Variants in GALNT17 observed in about 807,000 individuals in gnomAD.
GALNT17 encodes polypeptide N-acetylgalactosaminyltransferase 17, also known as UDP-GalNAc:polypeptide N-acetylgalactosaminyltransferase-like 3.
Under a neutral mutation model 63.7 loss-of-function variants are expected in GALNT17, and 29 were observed. The observed-to-expected ratio is 0.46, with a 90% CI of 0.34 to 0.62. The LOEUF (loss-of-function observed/expected upper bound fraction) is 0.62, where lower values mean the gene tolerates loss of function less well. Ranked by LOEUF, GALNT17 falls within the 20% of genes least tolerant of loss-of-function variation. The pLI, the probability that GALNT17 is intolerant of heterozygous loss-of-function variation, is 0.01. For synonymous variants in GALNT17, 305 were observed against 318.3 expected (o/e 0.96, Z 0.45); for missense variants, 603 against 799.6 (o/e 0.75, Z 2.97).
intron 5 of GALNT17, among the ~76,000 whole-genome samples, chr7:71,495,375 G>A (rs1400706051): frequency 6.6e-6 from 1 of 152,132 alleles, no homozygotes; most frequent in Non-Finnish European, 1.5e-5. Context: ...TGTGATAATA[G>A]CAATGACAAC....
intron 3 of GALNT17, among the ~76,000 whole-genome samples, chr7:71,397,941 T>TCGTTGTTGTTGTTG (rs1563063497): frequency 2.0e-5 from 3 of 150,690 alleles, no homozygotes; most frequent in Non-Finnish European, 4.4e-5. Context: ...CATTATTGTC[T>TCGTTGTTGTTGTTG]TTGTTGTTGT....
chr7:71,438,204 T>C (rs1787002058), intron 5 of GALNT17, among the ~76,000 whole-genome samples: 1 of 152,194 alleles, frequency 6.6e-6, no homozygotes, highest in Admixed American at 6.5e-5. Flanking sequence ...GGTCCCACAA[T>C]AGGCTGTCTG....
chr7:71,309,754 A>C (rs1385395032), intron 1 of GALNT17, among the ~76,000 whole-genome samples: 1 of 152,196 alleles, frequency 6.6e-6, no homozygotes, highest in Non-Finnish European at 1.5e-5. Context: ...ATGTAAATAC[A>C]AACTGCATAT....
At chr7:71,402,735 G>A (rs1412424748) in intron 3 of GALNT17, among the ~76,000 whole-genome samples, 1 of 139,840 alleles carries the variant, frequency 7.2e-6, no homozygotes, top group Non-Finnish European at 1.5e-5. Flanking sequence ...CTTCCAAAAG[G>A]GATTTTGGAG....
chr7:71,237,062 A>G (rs981046741), intron 1 of GALNT17, among the ~76,000 whole-genome samples: 1 of 152,142 alleles, frequency 6.6e-6, no homozygotes, highest in Non-Finnish European at 1.5e-5. Flanking sequence ...ACGCTGCCAC[A>G]TTCTTTTTTG....
intron 6 of GALNT17, among the ~76,000 whole-genome samples, chr7:71,578,031 T>C (rs912089911): frequency 1.7e-5 from 2 of 119,396 alleles, no homozygotes; most frequent in African/African-American, 9.2e-5. Context: ...ATTTATTTAT[T>C]TATTTATTTA....
chr7:71,481,717 C>T (rs185557489), intron 5 of GALNT17, among the ~76,000 whole-genome samples: 1 of 152,148 alleles, frequency 6.6e-6, no homozygotes, highest in Non-Finnish European at 1.5e-5. Context: ...GGTTCTCCCA[C>T]AGCTGGACTT....
At chr7:71,376,579 C>G (rs528972217) in intron 2 of GALNT17, among the ~76,000 whole-genome samples, 117 of 145,300 alleles carry the variant, frequency 8.1e-4, no homozygotes, top group African/African-American at 2.9e-3. Flanking sequence ...GTGTGTGTGT[C>G]TGTCTGTGTG....
At chr7:71,459,627 A>G (rs1412727106) in intron 5 of GALNT17, among the ~76,000 whole-genome samples, 1 of 152,188 alleles carries the variant, frequency 6.6e-6, no homozygotes, top group Non-Finnish European at 1.5e-5. Flanking sequence ...AGAAAGTCAA[A>G]ATATTTTATC....
intron 5 of GALNT17, among the ~76,000 whole-genome samples, chr7:71,523,814 C>T (rs1788571085): frequency 6.6e-6 from 1 of 151,480 alleles, no homozygotes; most frequent in African/African-American, 2.4e-5. Flanking sequence ...TACACATCCT[C>T]AGCCCCCAGA....
At chr7:71,185,293 C>G (rs1004391080) in intron 1 of GALNT17, among the ~76,000 whole-genome samples, 1 of 151,482 alleles carries the variant, frequency 6.6e-6, no homozygotes, top group African/African-American at 2.4e-5. Flanking sequence ...GCAGCCTTGA[C>G]TTCTCGGGCT....
intron 6 of GALNT17, among the ~76,000 whole-genome samples, chr7:71,574,441 A>G (rs1207959921): frequency 6.6e-6 from 1 of 152,174 alleles, no homozygotes; most frequent in Non-Finnish European, 1.5e-5. Flanking sequence ...CCTGCCTCTT[A>G]CAGTACTTCA....
chr7:71,153,644 G>A (rs73709205), intron 1 of GALNT17, among the ~76,000 whole-genome samples: 189 of 152,244 alleles, frequency 1.2e-3, no homozygotes, highest in African/African-American at 4.3e-3. Context: ...GCCAGGAGTC[G>A]TAATCCCTGG....
chr7:71,472,481 G>A (rs961254981), intron 5 of GALNT17, among the ~76,000 whole-genome samples: 4 of 152,160 alleles, frequency 2.6e-5, no homozygotes, highest in Admixed American at 2.6e-4. Flanking sequence ...ATGGTCAAGA[G>A]GTCAAGACCA....
At chr7:71,154,304 CAT>C in intron 1 of GALNT17, among the ~76,000 whole-genome samples, 1 of 152,328 alleles carries the variant, frequency 6.6e-6, no homozygotes, top group East Asian at 1.9e-4. Flanking sequence ...GAGCCAGACA[CAT>C]GAGTGAGCAA....
intron 1 of GALNT17, among the ~76,000 whole-genome samples, chr7:71,282,008 T>C (rs1583825646): frequency 6.6e-6 from 1 of 152,138 alleles, no homozygotes; most frequent in Non-Finnish European, 1.5e-5. Context: ...AACTCTTTCT[T>C]CCTCAATGTT....
At chr7:71,228,783 A>G (rs1221190342) in intron 1 of GALNT17, among the ~76,000 whole-genome samples, 1 of 152,194 alleles carries the variant, frequency 6.6e-6, no homozygotes, top group East Asian at 1.9e-4. Flanking sequence ...ATCCAGGCTA[A>G]TGTCCCCATC....
chr7:71,556,672 A>G (rs141062699), intron 5 of GALNT17, among the ~76,000 whole-genome samples: 4,443 of 150,684 alleles, frequency 0.029, 76 homozygotes, highest in Middle Eastern at 0.083. Context: ...TGATTCTCCT[A>G]CCTCAGCCTC....
intron 6 of GALNT17, among the ~76,000 whole-genome samples, chr7:71,594,628 A>G (rs908471108): frequency 1.3e-5 from 2 of 152,136 alleles, no homozygotes; most frequent in Admixed American, 6.5e-5. Flanking sequence ...CAAAGCTGTT[A>G]AGATAGGAAG....
Sources: allele counts gnomAD v4.1 joint callset (sites outside exome capture counted in the v4.1 genomes callset), GRCh38; gene constraint gnomAD v4.1.1; transcripts MANE v1.5; gene names NCBI Gene and HGNC (gene_info 2026-07-23, HGNC 2026-07-21).